Variants in BMPR1B observed in about 807,000 individuals in gnomAD.
BMPR1B encodes bone morphogenetic protein receptor type-1B.
In BMPR1B, 12 loss-of-function variants were observed where a neutral mutation model predicts 59.1. The observed-to-expected ratio is 0.20, with a 90% CI of 0.13 to 0.33. The LOEUF is 0.33. Among genes scored for constraint, BMPR1B ranks in the 10% least tolerant of loss-of-function variants. BMPR1B has a pLI of 1.00. For missense variants in BMPR1B, 550 were observed against 610.9 expected (o/e 0.90, Z 1.05); for synonymous variants, 237 against 207.3 (o/e 1.14, Z -1.23).
chr4:94,943,824 A>G (rs1729608295), intron 2 of BMPR1B, among the ~76,000 whole-genome samples: 1 of 152,186 alleles, frequency 6.6e-6, no homozygotes, highest in Non-Finnish European at 1.5e-5. Context: ...ACATTCCAAT[A>G]ATTTTAATAG....
chr4:94,814,306 A>T (rs1167636230), intron 1 of BMPR1B, among the ~76,000 whole-genome samples: 1 of 152,236 alleles, frequency 6.6e-6, no homozygotes, highest in South Asian at 2.1e-4. Context: ...AGAGATGTTT[A>T]ACTTGAGGTT....
At chr4:95,023,058 A>G (rs1337566289) in intron 3 of BMPR1B, among the ~76,000 whole-genome samples, 2 of 152,136 alleles carry the variant, frequency 1.3e-5, no homozygotes, top group Admixed American at 1.3e-4. Context: ...TTTTTTTTAC[A>G]GTGAAATTGC....
intron 11 of BMPR1B, 99 bp downstream of exon 11, chr4:95,149,022 T>C: frequency 6.8e-7 from 1 of 1,470,566 alleles, no homozygotes; most frequent in Non-Finnish European, 9.5e-7. Context: ...CTATAAGATC[T>C]GGTTTTATTT....
chr4:94,882,997 T>C (rs1727040092), intron 2 of BMPR1B, among the ~76,000 whole-genome samples: 1 of 151,834 alleles, frequency 6.6e-6, no homozygotes, highest in Non-Finnish European at 1.5e-5. Flanking sequence ...TGTGTGTGTG[T>C]GTGTGTGTGT....
chr4:95,010,021 G>A (rs1339372294), intron 3 of BMPR1B, among the ~76,000 whole-genome samples: 2 of 152,176 alleles, frequency 1.3e-5, no homozygotes, highest in South Asian at 2.1e-4. Flanking sequence ...CTTGAAAGAT[G>A]TAAAAAGAGC....
chr4:94,988,089 C>G (rs752868790), intron 2 of BMPR1B, among the ~76,000 whole-genome samples: 69 of 152,012 alleles, frequency 4.5e-4, no homozygotes, highest in Non-Finnish European at 2.8e-4. Context: ...TCTCTACTTA[C>G]AGGTATATGA....
rs550240568 is a variant in BMPR1B at position 94,970,966 on chromosome 4, A to G, written c.-112-25074A>G. Among the ~76,000 whole-genome samples the G allele has an allele frequency of 1.3e-4, 20 of 152,302 alleles. No individual in the cohort carries two copies. The East Asian group carries it at 3.7e-3, about 28-fold the overall frequency. On this transcript the variant is annotated intron_variant, in intron 2 of 12. Transcript: ENST00000515059. ...CTATTTAATTGCTCCTAAGACACAC[A>G]GTCTTAATACATTTTACAGTCACTG...
At chr4:95,091,214 G>T (rs1396304768) in intron 3 of BMPR1B, among the ~76,000 whole-genome samples, 2 of 151,942 alleles carry the variant, frequency 1.3e-5, no homozygotes, top group Admixed American at 6.6e-5. Context: ...ACACACTGTG[G>T]TCAGTGACAT....
chr4:95,006,978 T>C (rs745794905), intron 3 of BMPR1B, among the ~76,000 whole-genome samples: 3 of 152,300 alleles, frequency 2.0e-5, no homozygotes, highest in South Asian at 2.1e-4. Flanking sequence ...ATTTACCAGG[T>C]GTCCAAATCA....
At chr4:95,134,826 G>T (rs1165599030) in intron 10 of BMPR1B, among the ~76,000 whole-genome samples, 2 of 152,200 alleles carry the variant, frequency 1.3e-5, no homozygotes, top group Admixed American at 6.5e-5. Context: ...TGTTCACTCT[G>T]ATGGTAGTTT....
chr4:94,958,043 C>T (rs1198917165), intron 2 of BMPR1B, among the ~76,000 whole-genome samples: 1 of 152,118 alleles, frequency 6.6e-6, no homozygotes, highest in East Asian at 1.9e-4. Context: ...GTCCATCCAT[C>T]GTTTATCAGC....
At chr4:95,039,030 T>C (rs187429167) in intron 3 of BMPR1B, among the ~76,000 whole-genome samples, 1 of 152,338 alleles carries the variant, frequency 6.6e-6, no homozygotes, top group East Asian at 1.9e-4. Context: ...GAGTTCTGAC[T>C]AACCGTAATA....
chr4:94,836,454 C>A, intron 1 of BMPR1B, among the ~76,000 whole-genome samples: 3 of 140,740 alleles, frequency 2.1e-5, no homozygotes, highest in East Asian at 2.0e-4. Context: ...GCCATTCTAA[C>A]TGGTGTGAGA....
At chr4:95,087,226 C>T (rs1016895760) in intron 3 of BMPR1B, among the ~76,000 whole-genome samples, 2 of 151,934 alleles carry the variant, frequency 1.3e-5, no homozygotes, top group African/African-American at 4.8e-5. Flanking sequence ...CAGGGTTTGG[C>T]CATGTTGGCC....
chr4:95,117,418 A>G (rs1452689503), intron 6 of BMPR1B, among the ~76,000 whole-genome samples: 1 of 152,110 alleles, frequency 6.6e-6, no homozygotes, highest in African/African-American at 2.4e-5. Flanking sequence ...CTGGTTTGTA[A>G]TATTGGAGAG....
intron 1 of BMPR1B, among the ~76,000 whole-genome samples, chr4:94,789,152 T>A (rs1560485247): frequency 6.6e-6 from 1 of 152,168 alleles, no homozygotes; most frequent in Non-Finnish European, 1.5e-5. Context: ...CCAATTTTCG[T>A]TGCACATCAC....
In BMPR1B at chr4:95,156,952, T is replaced by C. The variant is rs984798808; in HGVS notation, c.*2279T>C. Reference sequence around the variant, plus strand: ...GGTCATGTTTTTGTTTCTTGGGTTTTTCCTAAATTTAAGTGAGGTTGGGCT... The same window carrying C: ...GGTCATGTTTTTGTTTCTTGGGTTTCTCCTAAATTTAAGTGAGGTTGGGCT... On this transcript the variant is annotated 3_prime_UTR_variant, in exon 13 of 13. Transcript: ENST00000515059. 1.4e-4 allele frequency: 21 copies of C among 152,164 alleles called. No individual in the cohort carries two copies. Among genetic ancestry groups the C allele is most frequent in the African/African-American group, 5.1e-4 (21 of 41,460 alleles). 9.4% of individuals were successfully genotyped at this position (152,164 alleles called of 1,614,324 possible).
At chr4:94,808,967 A>G (rs1276307717) in intron 1 of BMPR1B, among the ~76,000 whole-genome samples, 1 of 152,156 alleles carries the variant, frequency 6.6e-6, no homozygotes, top group Non-Finnish European at 1.5e-5. Context: ...AGGCAGGAGA[A>G]TTGCTTGTAC....
intron 3 of BMPR1B, among the ~76,000 whole-genome samples, chr4:95,061,582 C>G (rs1438400869): frequency 1.3e-5 from 2 of 152,126 alleles, no homozygotes; most frequent in Non-Finnish European, 2.9e-5. Flanking sequence ...TTATTATCTA[C>G]TTTTGTTTTC....
Sources: gnomAD v4.1 joint callset for allele counts (sites outside exome capture counted in the v4.1 genomes callset) on GRCh38, gnomAD v4.1.1 for gene constraint, MANE v1.5 for transcripts, NCBI Gene and HGNC (gene_info 2026-07-23, HGNC 2026-07-21) for gene names.